ATG2B: variants seen among roughly 807,000 people sequenced by gnomAD.
ATG2B encodes the protein autophagy related 2B.
ATG2B carries 121 observed loss-of-function variants against 241.3 expected under a neutral mutation model. That is an observed-to-expected ratio of 0.50 (90% CI 0.43 to 0.58). ATG2B has a LOEUF of 0.58. ATG2B is among the 20% of genes least tolerant of loss of function. The pLI is 0.00. For synonymous variants in ATG2B, 858 were observed against 876.6 expected, an observed-to-expected ratio of 0.98 and a Z score of 0.37; for missense variants, 2,306 against 2,491.6, an observed-to-expected ratio of 0.93 and a Z score of 1.59.
rs1466523648 is a variant in ATG2B at position 96,343,122 on chromosome 14, TG to T, written c.740del (p.Pro247GlnfsTer24). 4.5e-6 allele frequency: 7 copies of T among 1,551,506 alleles called. No individual in the cohort carries two copies. Among genetic ancestry groups the T allele is most frequent in the Non-Finnish European group, 6.1e-6 (7 of 1,149,238 alleles). ...AKSSPVCSTA[P>X]VETEPKLSPS... Reference sequence around the variant, plus strand: ...TAGGGTTTTTGTTTTTTCTTACCACTGGTGCAGTTGAACACACTGGGGAAGA... The same window carrying T: ...TAGGGTTTTTGTTTTTTCTTACCACTGTGCAGTTGAACACACTGGGGAAGA... On this transcript the variant is annotated frameshift_variant, in exon 5 of 42. Coordinates refer to ENST00000359933, the MANE Select transcript of ATG2B (RefSeq NM_018036.7). LOFTEE classifies it high-confidence loss of function.
chr14:96,312,243 CATT>C (rs1887179382), intron 25 of ATG2B, 84 bp from the exon 26 acceptor site: 1 of 887,978 alleles, frequency 1.1e-6, no homozygotes, highest in African/African-American at 1.8e-5. Context: ...TTAATTGCAT[CATT>C]CTTTCTGGTA....
In ATG2B at chr14:96,311,465, C is replaced by T. The variant is rs535074025; in HGVS notation, c.3990+77G>A. 38 of 1,326,410 alleles carry T rather than the reference C, an allele frequency of 2.9e-5. No individual in the cohort carries two copies. In the African/African-American group the frequency reaches 4.5e-4, roughly 16 times the overall value. The allele number at this position is 1,326,410 out of a possible 1,614,324, so 82.2% of individuals were successfully genotyped here. A position where few individuals can be genotyped will look rare whatever the true frequency, so the allele number is the denominator to read the frequency against. On this transcript the variant is annotated intron_variant, in intron 27 of 41. Transcript: ENST00000359933. ...CTATTTCTGACCAAAATTAGGTACA[C>T]GGAAAAATGTTAAACTCAATTTTTT... is the stretch of plus-strand genomic sequence containing the variant.
rs891352464 is a variant in ATG2B at position 96,311,276 on chromosome 14, G to A, written c.4002C>T (p.Arg1334=). The A allele has an allele frequency of 6.2e-7, 1 of 1,612,140 alleles. No homozygotes were observed. Among genetic ancestry groups the A allele is most frequent in the Non-Finnish European group, 8.5e-7 (1 of 1,179,170 alleles). The change falls in exon 28 of 42, where the codon CGC becomes CGT. Residue 1334 remains arginine (R), a synonymous_variant. Transcript: ENST00000359933. The part of the protein sequence containing the change: ...SDSDGEQTEP[R]FELHCSSDVV... ...CATCGCTGGAACAGTGTAACTCAAAGCGGGGCTCAGTCTGGACAAGACACA... is the reference window on the plus strand; with the variant it reads ...CATCGCTGGAACAGTGTAACTCAAAACGGGGCTCAGTCTGGACAAGACACA...
rs1338738955 is a variant in ATG2B, at chr14:96,282,459, A to T, written c.*3296T>A. 6.6e-6 allele frequency: 1 copy of T among 152,272 alleles called. No homozygotes were observed. The highest frequency in any genetic ancestry group is 2.4e-5 in the African/African-American group (1 of 41,464). The allele number at this position is 152,272 out of a possible 1,614,324, so 9.4% of individuals were successfully genotyped here. ...GAGCCCACCATGCCCCACAGTTCTG[A>T]GGATGCGGGTGCGAGGACTCTGAAG... On this transcript the variant is annotated 3_prime_UTR_variant, in exon 42 of 42. Coordinates refer to ENST00000359933, the MANE Select transcript of ATG2B (RefSeq NM_018036.7).
At chr14:96,320,254 A>G (rs2139868430) in intron 18 of ATG2B, among the ~76,000 whole-genome samples, 1 of 152,192 alleles carries the variant, frequency 6.6e-6, no homozygotes, top group East Asian at 1.9e-4. Flanking sequence ...TATTTCATAT[A>G]CTCGCCAAAG....
intron 29 of ATG2B, among the ~76,000 whole-genome samples, chr14:96,308,261 TATATATATATATATATATATA>T (rs1566719839): frequency 1.2e-3 from 30 of 25,606 alleles, no homozygotes; most frequent in African/African-American, 3.2e-3. Context: ...TACACACATA[TATATATATATATATATATATA>T]TTTTTTTTTT....
At chr14:96,297,453 A>T (rs2139842759) in intron 34 of ATG2B, among the ~76,000 whole-genome samples, 1 of 152,274 alleles carries the variant, frequency 6.6e-6, no homozygotes, top group Admixed American at 6.5e-5. Flanking sequence ...GCTGGAGTGC[A>T]GTGGCACGAT....
chr14:96,318,566 T>A (rs1887377229), intron 18 of ATG2B, among the ~76,000 whole-genome samples: 2 of 152,118 alleles, frequency 1.3e-5, no homozygotes, highest in Admixed American at 6.5e-5. Flanking sequence ...TGGGAAGACT[T>A]CATGAGATGA....
intron 31 of ATG2B, 29 bp from the exon 32 acceptor site, chr14:96,304,632 C>G (rs1555365192): frequency 7.5e-7 from 1 of 1,331,576 alleles, no homozygotes; most frequent in Non-Finnish European, 1.1e-6. Context: ...AAAAAAAACC[C>G]TTTTGTTAAA....
rs779160216 is a variant in ATG2B, at chr14:96,341,518, T to C, written c.924+4A>G. On this transcript the variant is annotated splice_donor_region_variant and intron_variant, in intron 6 of 41. Transcript: ENST00000359933. ...TTACTACAGAAAGTGAAACAAACACTGACCTTAGCTCCAGGAAGCACTTCA... is the reference window on the plus strand; with the variant it reads ...TTACTACAGAAAGTGAAACAAACACCGACCTTAGCTCCAGGAAGCACTTCA... 2.6e-5 allele frequency: 40 copies of C among 1,563,814 alleles called. No homozygotes were observed. The South Asian group carries it at 3.9e-4, about 15-fold the overall frequency.
rs754434001 is a variant in ATG2B at position 96,315,189 on chromosome 14, T to C, written c.3607A>G (p.Arg1203Gly). ...VGLKGATLQH[R>G]MLPSGLSWHE... Reference sequence around the variant, plus strand: ...CAGCTAAGCCCAGAAGGAAGCATTCTATGCTGGAGAGTGGCTCCTTTCAGT... The same window carrying C: ...CAGCTAAGCCCAGAAGGAAGCATTCCATGCTGGAGAGTGGCTCCTTTCAGT... The change falls in exon 23 of 42, where the codon AGA (arginine) becomes GGA (glycine). Residue 1203 changes from arginine (R) to glycine (G), a missense_variant. Coordinates refer to ENST00000359933, the MANE Select transcript of ATG2B (RefSeq NM_018036.7). The C allele has an allele frequency of 1.2e-6, 2 of 1,614,084 alleles. No individual in the cohort carries two copies. Among genetic ancestry groups the C allele is most frequent in the African/African-American group, 2.7e-5 (2 of 74,952 alleles).
chr14:96,308,283 T>TATATATATATATATATA (rs1491275020), intron 29 of ATG2B, among the ~76,000 whole-genome samples: 1 of 30,236 alleles, frequency 3.3e-5, no homozygotes, highest in Non-Finnish European at 6.6e-5. Context: ...TATATATATA[T>TATATATATATATATATA]TTTTTTTTTT....
chr14:96,307,388 G>A (rs1316605817), intron 29 of ATG2B, among the ~76,000 whole-genome samples: 2 of 152,022 alleles, frequency 1.3e-5, no homozygotes, highest in Non-Finnish European at 2.9e-5. Flanking sequence ...TCCAGCCTGC[G>A]TGACAGACCA....
At chr14:96,291,705 A>C in intron 37 of ATG2B, 23 bp from the exon 38 acceptor site, 2 of 1,550,456 alleles carry the variant, frequency 1.3e-6, no homozygotes, top group African/African-American at 1.4e-5. Context: ...AAAAGGCCAA[A>C]TTAACCTTAC....
At chr14:96,320,816 C>T (rs567525490) in intron 18 of ATG2B, among the ~76,000 whole-genome samples, 7 of 152,152 alleles carry the variant, frequency 4.6e-5, no homozygotes, top group African/African-American at 1.7e-4. Flanking sequence ...TACATCAGCT[C>T]TTTGCGGACA....
At chr14:96,346,146 T>C (rs1888163838) in intron 2 of ATG2B, among the ~76,000 whole-genome samples, 2 of 152,158 alleles carry the variant, frequency 1.3e-5, no homozygotes, top group South Asian at 2.1e-4. Context: ...TAGTAGATGA[T>C]ACAGGCTTTG....
At chr14:96,345,073 G>A (rs2139897432) in intron 3 of ATG2B, among the ~76,000 whole-genome samples, 160 bp downstream of exon 3, 1 of 151,660 alleles carries the variant, frequency 6.6e-6, no homozygotes, top group East Asian at 1.9e-4. Context: ...GCAATTAAAT[G>A]GAATATTTAA....
rs1487701667 is a variant in ATG2B, at chr14:96,348,021, G to A, written c.163-680C>T. Among the ~76,000 whole-genome samples the A allele has an allele frequency of 4.6e-5, 7 of 152,182 alleles. No homozygotes were observed. The South Asian group carries it at 1.0e-3, about 22-fold the overall frequency. On this transcript the variant is annotated intron_variant, in intron 1 of 41. Coordinates refer to ENST00000359933, the MANE Select transcript of ATG2B (RefSeq NM_018036.7). ...AAAAAGGAAATCAGTTTATGGAAGA[G>A]ATATCCACGCTCCCATGTTTACTGC...
chr14:96,348,899 T>G lies in ATG2B; in HGVS notation c.163-1558A>C, dbSNP rs1349371100. On this transcript the variant is annotated intron_variant, in intron 1 of 41. Coordinates refer to ENST00000359933, the MANE Select transcript of ATG2B (RefSeq NM_018036.7). ...ACCCCATTAATATATATACCTACTATGTACCCACAAAAATTAAAAGTTAAA... is the reference window on the plus strand; with the variant it reads ...ACCCCATTAATATATATACCTACTAGGTACCCACAAAAATTAAAAGTTAAA... Among the ~76,000 whole-genome samples, 15 of 152,188 alleles carry G rather than the reference T, an allele frequency of 9.9e-5. No individual in the cohort carries two copies. In the South Asian group the frequency reaches 2.9e-3, roughly 29 times the overall value.
Sources: gnomAD v4.1 joint callset for allele counts (sites outside exome capture counted in the v4.1 genomes callset) on GRCh38, gnomAD v4.1.1 for gene constraint, MANE v1.5 for transcripts, NCBI Gene and HGNC (gene_info 2026-07-23, HGNC 2026-07-21) for gene names.